GFPT1: variants seen among roughly 807,000 people sequenced by gnomAD.
GFPT1 encodes glutamine--fructose-6-phosphate transaminase 1.
In GFPT1, 40 loss-of-function variants were observed where a neutral mutation model predicts 92.0. That is an observed-to-expected ratio of 0.43 (90% CI 0.34 to 0.57). The LOEUF (loss-of-function observed/expected upper bound fraction) is 0.57, where lower values mean the gene tolerates loss of function less well. Ranked by LOEUF, GFPT1 falls within the 20% of genes least tolerant of loss-of-function variation. GFPT1 has a pLI of 0.02. For missense variants in GFPT1, 448 were observed against 869.1 expected (o/e 0.52, Z 6.09); for synonymous variants, 269 against 280.6 (o/e 0.96, Z 0.41).
chr2:69,335,117 G>A (rs983215771), intron 15 of GFPT1, among the ~76,000 whole-genome samples: 4 of 151,710 alleles, frequency 2.6e-5, no homozygotes, highest in South Asian at 2.1e-4. Flanking sequence ...AGGGATCCTC[G>A]TGCCTCAGCC....
chr2:69,350,055 T>C (rs1484660023), intron 10 of GFPT1, 23 bp downstream of exon 10: 2 of 1,496,072 alleles, frequency 1.3e-6, no homozygotes, highest in Non-Finnish European at 1.9e-6. Context: ...AAAAATCTCT[T>C]TGAATCAACT....
At chr2:69,366,534 AT>A (rs1371753486) in intron 3 of GFPT1, among the ~76,000 whole-genome samples, 2 of 152,286 alleles carry the variant, frequency 1.3e-5, no homozygotes, top group Admixed American at 6.5e-5. Flanking sequence ...TCACATATCT[AT>A]TTCACTGTTG....
At chr2:69,377,910 G>A (rs895050543) in intron 1 of GFPT1, among the ~76,000 whole-genome samples, 10 of 152,228 alleles carry the variant, frequency 6.6e-5, no homozygotes, top group African/African-American at 1.9e-4. Flanking sequence ...GTTCACAAGG[G>A]AGGCATTCAC....
chr2:69,326,182 A>G lies in GFPT1; in HGVS notation c.*7T>C, dbSNP rs767213495. The G allele has an allele frequency of 6.4e-6, 10 of 1,560,900 alleles. No homozygotes were observed. The highest frequency in any genetic ancestry group is 1.1e-5 in the South Asian group (1 of 89,880). On this transcript the variant is annotated 3_prime_UTR_variant, in exon 20 of 20. Transcript: ENST00000357308. ...ATACAGTTTCGTACATTTTGTATAG[A>G]TATTCCTCACTCTACAGTCACAGAT...
chr2:69,345,923 G>C lies in GFPT1; in HGVS notation c.1086C>G (p.Val362=), dbSNP rs1249689274. The change falls in exon 12 of 20, where the codon GTC becomes GTG. Residue 362 remains valine, a synonymous_variant. Transcript: ENST00000357308. ...ESVVNTMRGR[V]NFDDYTVNLG... ...AATTACCAGTATAGTCATCAAAGTTGACTCTTCCTCTCATTGTGTTCACGA... is the reference window on the plus strand; with the variant it reads ...AATTACCAGTATAGTCATCAAAGTTCACTCTTCCTCTCATTGTGTTCACGA... 1 of 1,575,480 alleles carries C rather than the reference G, an allele frequency of 6.3e-7. No individual in the cohort carries two copies. Among genetic ancestry groups the C allele is most frequent in the Admixed American group, 1.7e-5 (1 of 59,978 alleles).
intron 1 of GFPT1, among the ~76,000 whole-genome samples, chr2:69,386,755 C>T (rs1672137825): frequency 1.3e-5 from 2 of 152,244 alleles, no homozygotes; most frequent in African/African-American, 4.8e-5. Flanking sequence ...ATTCCCTCAG[C>T]TCTCTCCTCC....
At chr2:69,365,072 TA>T (rs1363097944) in intron 3 of GFPT1, among the ~76,000 whole-genome samples, 1 of 151,564 alleles carries the variant, frequency 6.6e-6, no homozygotes, top group African/African-American at 2.4e-5. Flanking sequence ...TGGGGTTTCT[TA>T]AAAAAATGGA....
chr2:69,362,930 T>C (rs1024958177), intron 4 of GFPT1, among the ~76,000 whole-genome samples: 3 of 152,074 alleles, frequency 2.0e-5, no homozygotes, highest in Non-Finnish European at 4.4e-5. Flanking sequence ...TAGAGAGATA[T>C]GCCCTAAGGA....
At chr2:69,343,322 T>C (rs1171198507) in intron 12 of GFPT1, among the ~76,000 whole-genome samples, 1 of 152,082 alleles carries the variant, frequency 6.6e-6, no homozygotes, top group Admixed American at 6.5e-5. Flanking sequence ...CTGAGGAGAA[T>C]GACAGGTACC....
chr2:69,360,219 CTTGGG>C (rs1671434570), intron 4 of GFPT1, among the ~76,000 whole-genome samples: 1 of 150,876 alleles, frequency 6.6e-6, no homozygotes, highest in African/African-American at 2.4e-5. Flanking sequence ...AACCCAGCTA[CTTGGG>C]AGGCTGAGGC....
intron 15 of GFPT1, 106 bp downstream of exon 15, chr2:69,337,792 G>T: frequency 1.1e-6 from 1 of 915,638 alleles, no homozygotes. Context: ...AAATGTGTGA[G>T]TTCTATAACT....
At chr2:69,386,431 T>C (rs1237749242) in intron 1 of GFPT1, among the ~76,000 whole-genome samples, 1 of 152,164 alleles carries the variant, frequency 6.6e-6, no homozygotes, top group Non-Finnish European at 1.5e-5. Context: ...AATGATAAAT[T>C]ATGTATAACC....
intron 4 of GFPT1, among the ~76,000 whole-genome samples, chr2:69,363,314 G>A (rs964304758): frequency 4.1e-4 from 62 of 151,758 alleles, no homozygotes; most frequent in Non-Finnish European, 5.3e-4. Context: ...ATGTTGCCAC[G>A]GCTGATCGTG....
intron 1 of GFPT1, among the ~76,000 whole-genome samples, chr2:69,386,107 TA>T (rs1195952758): frequency 6.6e-6 from 1 of 152,002 alleles, no homozygotes; most frequent in East Asian, 1.9e-4. Flanking sequence ...AGAATACAAT[TA>T]TTTTTACTGG....
At chr2:69,339,450 C>T (rs1484437440) in intron 13 of GFPT1, among the ~76,000 whole-genome samples, 1 of 152,192 alleles carries the variant, frequency 6.6e-6, no homozygotes, top group East Asian at 1.9e-4. Flanking sequence ...GTTTAACCTT[C>T]ATTTCAGTAA....
intron 7 of GFPT1, 32 bp from the exon 8 acceptor site, chr2:69,354,600 C>G: frequency 7.7e-7 from 1 of 1,296,096 alleles, no homozygotes. Context: ...AGAATTAAAC[C>G]ATTTTTATAA....
At chr2:69,337,481 G>C (rs1318029045) in intron 15 of GFPT1, among the ~76,000 whole-genome samples, 1 of 152,138 alleles carries the variant, frequency 6.6e-6, no homozygotes, top group Non-Finnish European at 1.5e-5. Context: ...TCCAAAAATG[G>C]TTAAAGTGGA....
Position 69,324,887 on chromosome 2 carries a change from T to A in GFPT1, c.*1302A>T, listed in dbSNP as rs1670494200. On this transcript the variant is annotated 3_prime_UTR_variant, in exon 20 of 20. Coordinates refer to ENST00000357308, the MANE Select transcript of GFPT1 (RefSeq NM_001244710.2). ...GGGTATCAAATAATAACATTCTACT[T>A]TAAATATTTTAATCCAAATTGTCAA... The A allele has an allele frequency of 1.3e-5, 2 of 152,194 alleles. No homozygotes were observed. The highest frequency in any genetic ancestry group is 2.4e-5 in the African/African-American group (1 of 41,450). The allele number at this position is 152,194 out of a possible 1,614,324, so 9.4% of individuals were successfully genotyped here. A position where few individuals can be genotyped will look rare whatever the true frequency, so the allele number is the denominator to read the frequency against.
intron 1 of GFPT1, among the ~76,000 whole-genome samples, chr2:69,379,427 G>GA (rs1671954368): frequency 6.6e-6 from 1 of 152,226 alleles, no homozygotes; most frequent in Non-Finnish European, 1.5e-5. Flanking sequence ...GCTGAGGTGA[G>GA]AGAATCACTT....
Sources: allele counts gnomAD v4.1 joint callset (sites outside exome capture counted in the v4.1 genomes callset), GRCh38; gene constraint gnomAD v4.1.1; transcripts MANE v1.5; gene names NCBI Gene and HGNC (gene_info 2026-07-23, HGNC 2026-07-21).